Variants in PARD6G observed in about 807,000 individuals in gnomAD.
The protein encoded by PARD6G is par-6 family cell polarity regulator gamma, also known as partitioning defective 6 homolog gamma.
Under a neutral mutation model 10.7 loss-of-function variants are expected in PARD6G, and 7 were observed. The observed-to-expected ratio is 0.66, with a 90% CI of 0.37 to 1.23. The LOEUF is 1.23. PARD6G is among the 50% of genes most tolerant of loss of function. The probability of loss-of-function intolerance (pLI) is 0.02; values close to 1 mark genes in which losing one functional copy is unlikely to be tolerated. For missense variants in PARD6G, 548 were observed against 571.8 expected, an observed-to-expected ratio of 0.96 and a Z score of 0.42; for synonymous variants, 287 against 269.4, an observed-to-expected ratio of 1.07 and a Z score of -0.64.
chr18:80,221,434 A>G (rs1210468407), intron 1 of PARD6G, among the ~76,000 whole-genome samples: 1 of 152,218 alleles, frequency 6.6e-6, no homozygotes, highest in East Asian at 1.9e-4. Context: ...GTAATAAACA[A>G]TATTAAAGGG....
chr18:80,245,869 G>T (rs180810909), intron 1 of PARD6G, among the ~76,000 whole-genome samples: 2 of 152,070 alleles, frequency 1.3e-5, no homozygotes, highest in African/African-American at 4.8e-5. Context: ...AGGTCATGGG[G>T]CAAGGGTAAG....
rs1310655879 is a variant in PARD6G at position 80,188,483 on chromosome 18, TGCCCCAAGTTCTGACA to T, written c.295+14211_295+14226del. ...CCGTCCTGGGCAGCAGAAGTTGCCCTGCCCCAAGTTCTGACAGCCCAAAACCCGGCAGGACCCTCCT... is the reference window on the plus strand; with the variant it reads ...CCGTCCTGGGCAGCAGAAGTTGCCCTGCCCAAAACCCGGCAGGACCCTCCT... On this transcript the variant is annotated intron_variant, in intron 2 of 2. Coordinates refer to ENST00000353265, the MANE Select transcript of PARD6G (RefSeq NM_032510.4). The surrounding 1 kb of genome is among the most constrained non-coding windows in gnomAD (Gnocchi z 5.4). Among the ~76,000 whole-genome samples the T allele has an allele frequency of 6.6e-6, 1 of 152,176 alleles. No individual in the cohort carries two copies. Among genetic ancestry groups the T allele is most frequent in the East Asian group, 1.9e-4 (1 of 5,186 alleles).
At chr18:80,219,610 C>G (rs1268930286) in intron 1 of PARD6G, among the ~76,000 whole-genome samples, 1 of 152,138 alleles carries the variant, frequency 6.6e-6, no homozygotes, top group African/African-American at 2.4e-5. Context: ...CACCAGATAC[C>G]ACCCTAAATC....
At chr18:80,236,398 T>C (rs1300352926) in intron 1 of PARD6G, among the ~76,000 whole-genome samples, 10 of 152,270 alleles carry the variant, frequency 6.6e-5, no homozygotes, top group African/African-American at 2.4e-4. Context: ...CAATATCATC[T>C]TGAATGGGCA....
rs1366686051 is a variant in PARD6G at position 80,177,000 on chromosome 18, AAG to A, written c.296-16396_296-16395del. Among the ~76,000 whole-genome samples the A allele has an allele frequency of 2.1e-5, 3 of 143,628 alleles. No homozygotes were observed. The East Asian group carries it at 6.3e-4, about 30-fold the overall frequency. 94.2% of individuals were successfully genotyped at this position (143,628 alleles called of 152,430 possible). A position where few individuals can be genotyped will look rare whatever the true frequency, so the allele number is the denominator to read the frequency against. Reference sequence around the variant, plus strand: ...ACACACAGGATAAATCACAGCCCAAAAGAGAAGCACGTGCGCGCGCGCGTGCA... The same window carrying A: ...ACACACAGGATAAATCACAGCCCAAAAGAAGCACGTGCGCGCGCGCGTGCA... On this transcript the variant is annotated intron_variant, in intron 2 of 2. Transcript: ENST00000353265.
chr18:80,172,779 G>T (rs368574998), intron 2 of PARD6G, among the ~76,000 whole-genome samples: 3 of 152,310 alleles, frequency 2.0e-5, no homozygotes, highest in South Asian at 2.1e-4. Flanking sequence ...TGTCCATTTT[G>T]TGAGGGGTTC....
At chr18:80,178,239 G>A (rs1224166267) in intron 2 of PARD6G, 1 of 159,200 alleles carries the variant, frequency 6.3e-6, no homozygotes, top group Non-Finnish European at 1.5e-5. Flanking sequence ...TAGGTTCAGT[G>A]CTGCACTCTA....
intron 2 of PARD6G, among the ~76,000 whole-genome samples, chr18:80,178,959 G>T (rs910048414): frequency 6.6e-6 from 1 of 152,216 alleles, no homozygotes; most frequent in African/African-American, 2.4e-5. Context: ...TGGGCGGGTG[G>T]CGACCTGCAG....
At chr18:80,243,891 C>T (rs1431514234) in intron 1 of PARD6G, among the ~76,000 whole-genome samples, 1 of 152,094 alleles carries the variant, frequency 6.6e-6, no homozygotes, top group Non-Finnish European at 1.5e-5. Context: ...TCTACGCTCA[C>T]GTCTGAAGGA....
chr18:80,242,713 C>CAGAGA (rs1967504076), intron 1 of PARD6G, among the ~76,000 whole-genome samples: 1 of 152,322 alleles, frequency 6.6e-6, no homozygotes, highest in South Asian at 2.1e-4. Flanking sequence ...TATTAACTCC[C>CAGAGA]AAGAAAACTA....
At chr18:80,168,622 A>C (rs1034061078) in intron 2 of PARD6G, among the ~76,000 whole-genome samples, 2 of 141,490 alleles carry the variant, frequency 1.4e-5, no homozygotes, top group Non-Finnish European at 3.1e-5. Flanking sequence ...TATATGTATA[A>C]ACTTTTTTTT....
chr18:80,189,953 G>C lies in PARD6G; in HGVS notation c.295+12757C>G, dbSNP rs757327230. 6.6e-6 allele frequency among the ~76,000 whole-genome samples: 1 copy of C among 152,118 alleles called. No homozygotes were observed. Among genetic ancestry groups the C allele is most frequent in the Non-Finnish European group, 1.5e-5 (1 of 68,034 alleles). ...AATTCAGTGTTTTTTAGTATATTCA[G>C]TGTTGTGTAACCACCACCACCACCT... is the stretch of plus-strand genomic sequence containing the variant. On this transcript the variant is annotated intron_variant, in intron 2 of 2. Coordinates refer to ENST00000353265, the MANE Select transcript of PARD6G (RefSeq NM_032510.4). This position sits in a 1 kb window ranked among gnomAD's most constrained non-coding sequence, Gnocchi z 5.5.
rs753927214 is a variant in PARD6G, at chr18:80,159,752, T to C, written c.*19A>G. ...CTTACCGGGGAACTGGAGCTAGGAT[T>C]TGGGGGCCTCTCGGGAGTCTAGAGC... On this transcript the variant is annotated 3_prime_UTR_variant, in exon 3 of 3. Transcript: ENST00000353265. The C allele has an allele frequency of 1.6e-5, 22 of 1,384,388 alleles. No homozygotes were observed. The highest frequency in any genetic ancestry group is 2.0e-5 in the Non-Finnish European group (21 of 1,069,494). 85.8% of individuals were successfully genotyped at this position (1,384,388 alleles called of 1,614,324 possible).
At position 80,162,333 on chromosome 18, in the gene PARD6G, A is replaced by G. The variant is rs192656452; in HGVS notation, c.296-1727T>C. On this transcript the variant is annotated intron_variant, in intron 2 of 2. Transcript: ENST00000353265. ...TGATTATTATGCATTGTATGCCTGT[A>G]TCAAAATCTCATGTAACCCATAAAT... 30 of 153,692 alleles carry G rather than the reference A, an allele frequency of 2.0e-4. No individual in the cohort carries two copies. In the East Asian group the frequency reaches 5.8e-3, roughly 30 times the overall value. 9.5% of individuals were successfully genotyped at this position (153,692 alleles called of 1,614,324 possible). A position where few individuals can be genotyped will look rare whatever the true frequency, so the allele number is the denominator to read the frequency against.
At chr18:80,171,863 T>C (rs2052779437) in intron 2 of PARD6G, 2 of 152,258 alleles carry the variant, frequency 1.3e-5, no homozygotes, top group Admixed American at 1.3e-4. Context: ...GGGTTGTTTC[T>C]AGTTTCGGGC....
intron 1 of PARD6G, among the ~76,000 whole-genome samples, chr18:80,208,247 A>C (rs1967073831): frequency 6.6e-6 from 1 of 152,206 alleles, no homozygotes; most frequent in Non-Finnish European, 1.5e-5. Flanking sequence ...ATTTATATTT[A>C]CTAAAAAAAA....
rs537827831 is a variant in PARD6G, at chr18:80,182,948, C to T, written c.295+19762G>A. 1.3e-3 allele frequency: 815 copies of T among 615,272 alleles called. 16 individuals carry two copies. In the South Asian group the frequency reaches 0.015, roughly 11 times the overall value. The allele number at this position is 615,272 out of a possible 1,614,324, so 38.1% of individuals were successfully genotyped here. On this transcript the variant is annotated intron_variant, in intron 2 of 2. Coordinates refer to ENST00000353265, the MANE Select transcript of PARD6G (RefSeq NM_032510.4). The surrounding 1 kb of genome is among the most constrained non-coding windows in gnomAD (Gnocchi z 4.5). ...CCACAACACTGCAGGCCCCACACCACGCAGCCAGACGCCCCTCCCAGTCCT... is the reference window on the plus strand; with the variant it reads ...CCACAACACTGCAGGCCCCACACCATGCAGCCAGACGCCCCTCCCAGTCCT...
intron 2 of PARD6G, among the ~76,000 whole-genome samples, chr18:80,198,488 C>T (rs1331452958): frequency 2.0e-5 from 3 of 152,106 alleles, no homozygotes; most frequent in Non-Finnish European, 2.9e-5. Context: ...ATGCAACTAC[C>T]ACAGGATATG....
chr18:80,190,494 A>G (rs1966888492), intron 2 of PARD6G, among the ~76,000 whole-genome samples: 1 of 152,036 alleles, frequency 6.6e-6, no homozygotes, highest in South Asian at 2.1e-4. Flanking sequence ...CCATGATTCC[A>G]CCCATGAGCG....
Sources: gnomAD v4.1 joint callset for allele counts (sites outside exome capture counted in the v4.1 genomes callset) on GRCh38, gnomAD v4.1.1 for gene constraint, Gnocchi (gnomAD v3.1) non-coding constraint, MANE v1.5 for transcripts, NCBI Gene and HGNC (gene_info 2026-07-23, HGNC 2026-07-21) for gene names.